GLMN: variants seen among roughly 807,000 people sequenced by gnomAD.
GLMN encodes glomulin, FKBP associated protein.
Under a neutral mutation model 87.8 loss-of-function variants are expected in GLMN, and 75 were observed. That is an observed-to-expected ratio of 0.85 (90% CI 0.71 to 1.04). The LOEUF (loss-of-function observed/expected upper bound fraction) is 1.04. GLMN is among the 50% of genes least tolerant of loss of function. The pLI, the probability that GLMN is intolerant of heterozygous loss-of-function variation, is 0.00. For synonymous variants in GLMN, 206 were observed against 221.6 expected, an observed-to-expected ratio of 0.93 and a Z score of 0.63; for missense variants, 588 against 658.8, an observed-to-expected ratio of 0.89 and a Z score of 1.18.
At chr1:92,295,044 C>T (rs572608283) in intron 3 of GLMN, among the ~76,000 whole-genome samples, 1 of 152,332 alleles carries the variant, frequency 6.6e-6, no homozygotes, top group African/African-American at 2.4e-5. Flanking sequence ...CCACATATTG[C>T]AAAGGTGATT....
At chr1:92,263,975 C>T (rs181968418) in intron 14 of GLMN, among the ~76,000 whole-genome samples, 2 of 152,266 alleles carry the variant, frequency 1.3e-5, no homozygotes, top group African/African-American at 4.8e-5. Context: ...CTTAAGTTTC[C>T]ATTCATTTTT....
At chr1:92,310,181 G>A in the GLMN span, among the ~76,000 whole-genome samples, 411 of 152,200 alleles carry the variant, frequency 2.7e-3, 1 homozygote, top group African/African-American at 8.9e-3. Context: ...ACTTGTCAGT[G>A]TATAACCATA....
intron 1 of GLMN, 85 bp from the exon 2 acceptor site, chr1:92,298,114 G>T: frequency 1.4e-6 from 1 of 689,934 alleles, no homozygotes; most frequent in Non-Finnish European, 2.6e-6. Flanking sequence ...TAAATTATTA[G>T]TAAATACAAT....
intron 16 of GLMN, among the ~76,000 whole-genome samples, chr1:92,256,199 C>T (rs187122335): frequency 2.0e-5 from 3 of 151,902 alleles, no homozygotes; most frequent in Admixed American, 2.0e-4. Context: ...AAGACTAAAC[C>T]AGGAAGAAGT....
chr1:92,327,986 A>G, the GLMN span, among the ~76,000 whole-genome samples: 30 of 152,334 alleles, frequency 2.0e-4, no homozygotes, highest in East Asian at 5.4e-3. Context: ...TAGGACTCCA[A>G]TGTCTTCTAG....
At chr1:92,290,048 A>T in intron 5 of GLMN, 150 bp downstream of exon 5, 1 of 662,114 alleles carries the variant, frequency 1.5e-6, no homozygotes. Context: ...GAGCAGCAGT[A>T]TTCACATTGG....
chr1:92,299,946 G>A (rs185193905), upstream of GLMN, among the ~76,000 whole-genome samples: 3 of 152,264 alleles, frequency 2.0e-5, no homozygotes, highest in Admixed American at 2.0e-4. Context: ...CCATCATCGA[G>A]TGCACTTACA....
chr1:92,359,940 C>T, the GLMN span, among the ~76,000 whole-genome samples: 2 of 152,182 alleles, frequency 1.3e-5, no homozygotes, highest in African/African-American at 2.4e-5. Flanking sequence ...TGAGCACCAA[C>T]TAAATGCAAA....
At chr1:92,285,116 A>G (rs1159923633) in intron 7 of GLMN, among the ~76,000 whole-genome samples, 6 of 152,234 alleles carry the variant, frequency 3.9e-5, no homozygotes. Context: ...AATACTGGGT[A>G]TATACCCAAA....
chr1:92,333,551 T>C, the GLMN span: 1 of 930,778 alleles, frequency 1.1e-6, no homozygotes, highest in Non-Finnish European at 1.7e-6. Context: ...GTGTAAGTAT[T>C]ATCCTCAGAT....
chr1:92,359,213 A>G, the GLMN span, among the ~76,000 whole-genome samples: 1 of 152,278 alleles, frequency 6.6e-6, no homozygotes, highest in Non-Finnish European at 1.5e-5. Flanking sequence ...AAAGTCAAAC[A>G]TAATTTTAAG....
upstream of GLMN, chr1:92,303,889 T>A (rs1651030433): frequency 2.4e-6 from 2 of 830,228 alleles, no homozygotes; most frequent in African/African-American, 1.7e-5. Flanking sequence ...ATCCCTGTGT[T>A]TTCAGATAAG....
At chr1:92,322,634 G>T in the GLMN span, among the ~76,000 whole-genome samples, 1 of 151,976 alleles carries the variant, frequency 6.6e-6, no homozygotes, top group South Asian at 2.1e-4. Flanking sequence ...CAGCACTTTG[G>T]GAGGCCAAGG....
chr1:92,360,467 T>C, the GLMN span, among the ~76,000 whole-genome samples: 1 of 152,160 alleles, frequency 6.6e-6, no homozygotes. Context: ...TATAATCCAA[T>C]ATGATATGAT....
chr1:92,322,913 TA>T, the GLMN span, among the ~76,000 whole-genome samples: 1 of 145,942 alleles, frequency 6.9e-6, no homozygotes, highest in South Asian at 2.1e-4. Context: ...TCATATTATA[TA>T]TTTTTTAAAC....
intron 13 of GLMN, 150 bp from the exon 14 acceptor site, chr1:92,264,788 A>AT: frequency 1.5e-6 from 1 of 658,072 alleles, no homozygotes; most frequent in Non-Finnish European, 2.7e-6. Flanking sequence ...TCATCAACCA[A>AT]TTACAAAGTC....
intron 3 of GLMN, 23 bp downstream of exon 3, chr1:92,297,381 G>C: frequency 2.5e-6 from 4 of 1,609,256 alleles, no homozygotes; most frequent in Non-Finnish European, 3.4e-6. Context: ...AGACTGAAAA[G>C]TAAACACCAA....
the GLMN span, among the ~76,000 whole-genome samples, chr1:92,353,596 T>C: frequency 6.6e-6 from 1 of 152,224 alleles, no homozygotes; most frequent in African/African-American, 2.4e-5. Flanking sequence ...GGTATTCTTT[T>C]GGATTCCTCA....
upstream of GLMN, among the ~76,000 whole-genome samples, chr1:92,299,464 G>A (rs1413955217): frequency 6.6e-6 from 1 of 152,162 alleles, no homozygotes; most frequent in Non-Finnish European, 1.5e-5. Flanking sequence ...CTAGGGCAGC[G>A]TTGGCAGCTG....
Sources: allele counts gnomAD v4.1 joint callset (sites outside exome capture counted in the v4.1 genomes callset), GRCh38; gene constraint gnomAD v4.1.1; transcripts MANE v1.5; gene names NCBI Gene and HGNC (gene_info 2026-07-23, HGNC 2026-07-21).